Variants in CDH9 observed in about 807,000 individuals in gnomAD.
The protein encoded by CDH9 is cadherin-9.
In CDH9, 28 loss-of-function variants were observed where a neutral mutation model predicts 70.9. The ratio of observed to expected loss-of-function variants is 0.40; its 90% CI spans 0.29 to 0.54. CDH9 has a LOEUF of 0.54. CDH9 is among the 20% of genes least tolerant of loss of function. The pLI is 0.59. For missense variants in CDH9, 874 were observed against 984.4 expected (o/e 0.89, Z 1.50); for synonymous variants, 409 against 343.1 (o/e 1.19, Z -2.12).
intron 2 of CDH9, among the ~76,000 whole-genome samples, chr5:26,969,040 C>T (rs564902498): frequency 6.6e-6 from 1 of 152,128 alleles, no homozygotes; most frequent in South Asian, 2.1e-4. Flanking sequence ...TTTTACTAAA[C>T]AATTTGTCTC....
intron 1 of CDH9, among the ~76,000 whole-genome samples, chr5:27,033,069 C>T (rs1430422382): frequency 6.6e-6 from 1 of 150,902 alleles, no homozygotes; most frequent in Non-Finnish European, 1.5e-5. Flanking sequence ...ATAATTATTT[C>T]TAGATACAGT....
At position 26,906,847 on chromosome 5, in the gene CDH9, A is replaced by C; in HGVS notation, c.524-9T>G. ...TTGTATAACAGATGTACCTACATGAAACCCCCATCCCCAAACAGAGACATT... is the reference window on the plus strand; with the variant it reads ...TTGTATAACAGATGTACCTACATGACACCCCCATCCCCAAACAGAGACATT... On this transcript the variant is annotated splice_polypyrimidine_tract_variant and intron_variant, in intron 3 of 11. Coordinates refer to ENST00000231021, the MANE Select transcript of CDH9 (RefSeq NM_016279.4). 6.3e-7 allele frequency: 1 copy of C among 1,595,242 alleles called. No individual in the cohort carries two copies. The highest frequency in any genetic ancestry group is 8.6e-7 in the Non-Finnish European group (1 of 1,168,632).
intron 7 of CDH9, among the ~76,000 whole-genome samples, chr5:26,899,876 A>G (rs1457063318): frequency 6.6e-6 from 1 of 151,964 alleles, no homozygotes; most frequent in Non-Finnish European, 1.5e-5. Context: ...AATTTAAAAA[A>G]AAAAAGAAAA....
chr5:26,898,434 C>A (rs1740791266), intron 7 of CDH9, among the ~76,000 whole-genome samples: 2 of 152,284 alleles, frequency 1.3e-5, no homozygotes, highest in African/African-American at 2.4e-5. Context: ...CACTGCAAGT[C>A]TTCAGTAACC....
At chr5:27,005,881 G>A (rs1354452601) in intron 1 of CDH9, among the ~76,000 whole-genome samples, 1 of 152,122 alleles carries the variant, frequency 6.6e-6, no homozygotes, top group Non-Finnish European at 1.5e-5. Flanking sequence ...CATGGATGGA[G>A]CTGGAGGCTA....
intron 2 of CDH9, among the ~76,000 whole-genome samples, chr5:26,956,368 G>A (rs186755088): frequency 6.6e-6 from 1 of 152,196 alleles, no homozygotes; most frequent in Admixed American, 6.5e-5. Context: ...AAATTGCCCA[G>A]TCTCTGGTAT....
At chr5:27,014,254 T>TA (rs1743008353) in intron 1 of CDH9, among the ~76,000 whole-genome samples, 1 of 151,986 alleles carries the variant, frequency 6.6e-6, no homozygotes, top group African/African-American at 2.4e-5. Context: ...TCAAGCTTTT[T>TA]GAAGCACTCC....
intron 1 of CDH9, among the ~76,000 whole-genome samples, chr5:27,006,561 A>G (rs2112110947): frequency 6.6e-6 from 1 of 152,150 alleles, no homozygotes; most frequent in East Asian, 1.9e-4. Flanking sequence ...TCTGCTCCCA[A>G]CCGGTGTTTC....
intron 9 of CDH9, among the ~76,000 whole-genome samples, chr5:26,887,111 T>G (rs1740578207): frequency 6.6e-6 from 1 of 152,170 alleles, no homozygotes; most frequent in Admixed American, 6.6e-5. Flanking sequence ...TAATGATAAT[T>G]ACATCATTTT....
chr5:26,994,762 G>C (rs1742639734), intron 1 of CDH9, among the ~76,000 whole-genome samples: 2 of 152,126 alleles, frequency 1.3e-5, no homozygotes, highest in Admixed American at 6.6e-5. Flanking sequence ...AGCATGGACT[G>C]ACTAGAACAA....
intron 7 of CDH9, among the ~76,000 whole-genome samples, chr5:26,900,896 A>C (rs1246636930): frequency 6.6e-6 from 1 of 152,080 alleles, no homozygotes; most frequent in Non-Finnish European, 1.5e-5. Flanking sequence ...TAAAAAATAG[A>C]TGAATACTTT....
intron 1 of CDH9, among the ~76,000 whole-genome samples, chr5:26,993,446 G>T (rs1014169330): frequency 6.6e-6 from 1 of 152,004 alleles, no homozygotes; most frequent in African/African-American, 2.4e-5. Context: ...ATAAAACAAA[G>T]TTTAAAGATC....
chr5:26,957,971 G>T (rs1741973978), intron 2 of CDH9, among the ~76,000 whole-genome samples: 1 of 152,000 alleles, frequency 6.6e-6, no homozygotes, highest in Non-Finnish European at 1.5e-5. Flanking sequence ...ACATTTATTG[G>T]AATATAAAAA....
At chr5:26,973,383 G>A (rs543814477) in intron 2 of CDH9, among the ~76,000 whole-genome samples, 14 of 151,904 alleles carry the variant, frequency 9.2e-5, no homozygotes, top group Non-Finnish European at 1.6e-4. Flanking sequence ...TTGCATGAAC[G>A]TATCATTTTC....
intron 2 of CDH9, among the ~76,000 whole-genome samples, chr5:26,945,834 G>T (rs910938288): frequency 2.0e-5 from 3 of 152,150 alleles, no homozygotes; most frequent in Non-Finnish European, 4.4e-5. Context: ...ATGCCTTATG[G>T]TAATGAGAAA....
intron 2 of CDH9, among the ~76,000 whole-genome samples, chr5:26,979,413 A>T (rs1742361704): frequency 1.3e-5 from 2 of 150,930 alleles, no homozygotes; most frequent in South Asian, 2.1e-4. Flanking sequence ...ATAGATGTTT[A>T]AAAAAATGAT....
chr5:26,949,472 G>A (rs1240020339), intron 2 of CDH9, among the ~76,000 whole-genome samples: 1 of 152,202 alleles, frequency 6.6e-6, no homozygotes, highest in Non-Finnish European at 1.5e-5. Flanking sequence ...TAAACCATGA[G>A]CATGTCAGCA....
chr5:26,954,233 C>T (rs1392884452), intron 2 of CDH9, among the ~76,000 whole-genome samples: 1 of 151,968 alleles, frequency 6.6e-6, no homozygotes, highest in Non-Finnish European at 1.5e-5. Flanking sequence ...AAAGATTTTT[C>T]TGACTATTTA....
intron 1 of CDH9, among the ~76,000 whole-genome samples, chr5:27,023,323 A>G (rs1188477086): frequency 1.3e-5 from 2 of 152,048 alleles, no homozygotes; most frequent in Admixed American, 6.6e-5. Flanking sequence ...TTGATTCATC[A>G]TATTTTTGTT....
Sources: allele counts gnomAD v4.1 joint callset (sites outside exome capture counted in the v4.1 genomes callset), GRCh38; gene constraint gnomAD v4.1.1; transcripts MANE v1.5; gene names NCBI Gene and HGNC (gene_info 2026-07-23, HGNC 2026-07-21).